VPS13B: variants seen among roughly 807,000 people sequenced by gnomAD.
The protein encoded by VPS13B is vacuolar protein sorting 13 homolog B, also known as intermembrane lipid transfer protein VPS13B.
A neutral mutation model predicts 426.4 loss-of-function variants in VPS13B; 285 were observed. The ratio of observed to expected loss-of-function variants is 0.67; its 90% confidence interval spans 0.61 to 0.74. The LOEUF (loss-of-function observed/expected upper bound fraction) is 0.74. Ranked by LOEUF, VPS13B falls within the 30% of genes least tolerant of loss-of-function variation. VPS13B has a pLI of 0.00. For synonymous variants in VPS13B, 1,676 were observed against 1,676.4 expected, an observed-to-expected ratio of 1.00 and a Z score of 0.01; for missense variants, 4,537 against 4,782.6, an observed-to-expected ratio of 0.95 and a Z score of 1.51.
At chr8:99,529,896 C>T in intron 30 of VPS13B, among the ~76,000 whole-genome samples, 1 of 152,174 alleles carries the variant, frequency 6.6e-6, no homozygotes, top group East Asian at 1.9e-4. Context: ...CTGACCTTAT[C>T]CTATACTTTA....
chr8:99,868,441 G>T lies in VPS13B; in HGVS notation c.11368G>T (p.Glu3790Ter). 6.2e-7 allele frequency: 1 copy of T among 1,613,366 alleles called. No individual in the cohort carries two copies. The highest frequency in any genetic ancestry group is 1.7e-5 in the Admixed American group (1 of 59,914). Reference sequence around the variant, plus strand: ...CACAAAGCCCATCGGAGGAGCTGCTGAGCTGGTGTCACAGACTGGCTATGG... The same window carrying T: ...CACAAAGCCCATCGGAGGAGCTGCTTAGCTGGTGTCACAGACTGGCTATGG... ...VFTKPIGGAA[E>*]LVSQTGYGIL... Residue 3790 changes from glutamate to a stop codon, truncating the protein, a stop_gained, in exon 59 of 62, where the codon GAG becomes TAG. Coordinates refer to ENST00000357162, the MANE Select transcript of VPS13B (RefSeq NM_152564.5). LOFTEE classifies it high-confidence loss of function.
chr8:99,820,292 CTT>C (rs577215192), intron 49 of VPS13B, among the ~76,000 whole-genome samples, 170 bp downstream of exon 49: 2 of 148,022 alleles, frequency 1.4e-5, no homozygotes, highest in Admixed American at 1.4e-4. Flanking sequence ...TTTCTGATGT[CTT>C]TTTTTTTTAA....
At chr8:99,188,243 A>G (rs182399188) in intron 16 of VPS13B, among the ~76,000 whole-genome samples, 2 of 152,102 alleles carry the variant, frequency 1.3e-5, no homozygotes, top group African/African-American at 4.8e-5. Context: ...AGTCATCACC[A>G]CTATCTAATT....
chr8:99,581,292 C>T (rs188863229), intron 33 of VPS13B, among the ~76,000 whole-genome samples: 28 of 151,984 alleles, frequency 1.8e-4, no homozygotes, highest in African/African-American at 6.0e-4. Flanking sequence ...AAGTGAAAAC[C>T]GTAAAGTAAT....
chr8:99,809,004 C>G (rs1588731546), intron 43 of VPS13B, among the ~76,000 whole-genome samples: 1 of 151,910 alleles, frequency 6.6e-6, no homozygotes, highest in South Asian at 2.1e-4. Context: ...TCATTACTGT[C>G]TAGCCATAAG....
At chr8:99,258,265 G>C (rs1355361758) in intron 17 of VPS13B, among the ~76,000 whole-genome samples, 1 of 151,176 alleles carries the variant, frequency 6.6e-6, no homozygotes, top group South Asian at 2.1e-4. Flanking sequence ...TGAGAAGCAG[G>C]CATTTTGTTT....
chr8:99,647,590 A>G (rs891222413), intron 34 of VPS13B, among the ~76,000 whole-genome samples: 40 of 150,024 alleles, frequency 2.7e-4, no homozygotes, highest in African/African-American at 9.5e-4. Flanking sequence ...AAAAAAAAAA[A>G]GGTTTAATAA....
At chr8:99,314,276 G>T (rs948664157) in intron 19 of VPS13B, among the ~76,000 whole-genome samples, 1 of 152,086 alleles carries the variant, frequency 6.6e-6, no homozygotes, top group Non-Finnish European at 1.5e-5. Flanking sequence ...GGGAGCTGTA[G>T]ACTGGAGCTG....
intron 17 of VPS13B, among the ~76,000 whole-genome samples, chr8:99,228,221 T>C (rs1029567719): frequency 6.6e-6 from 1 of 152,238 alleles, no homozygotes; most frequent in Non-Finnish European, 1.5e-5. Context: ...AATGCTTTTC[T>C]TATAGAAACT....
At chr8:99,204,643 G>A (rs990368179) in intron 17 of VPS13B, among the ~76,000 whole-genome samples, 6 of 151,774 alleles carry the variant, frequency 4.0e-5, no homozygotes, top group Non-Finnish European at 5.9e-5. Flanking sequence ...AATCTACAAG[G>A]AACTTAAACA....
intron 7 of VPS13B, 97 bp downstream of exon 7, chr8:99,115,971 C>T (rs1189385491): frequency 2.4e-6 from 3 of 1,271,016 alleles, no homozygotes; most frequent in Admixed American, 2.0e-5. Flanking sequence ...TTGAGTTTTA[C>T]AGTATTCTAA....
At chr8:99,497,699 C>T (rs141913822) in intron 25 of VPS13B, among the ~76,000 whole-genome samples, 1 of 151,984 alleles carries the variant, frequency 6.6e-6, no homozygotes, top group Admixed American at 6.6e-5. Flanking sequence ...TAGCAAAACT[C>T]TTGTCAGTTT....
chr8:99,197,252 G>A (rs1251769617), intron 17 of VPS13B, among the ~76,000 whole-genome samples: 1 of 152,100 alleles, frequency 6.6e-6, no homozygotes, highest in Admixed American at 6.5e-5. Flanking sequence ...TTACATCTAT[G>A]TTCACCAGAG....
At chr8:99,489,042 T>C (rs1820452069) in intron 25 of VPS13B, among the ~76,000 whole-genome samples, 1 of 152,230 alleles carries the variant, frequency 6.6e-6, no homozygotes, top group African/African-American at 2.4e-5. Flanking sequence ...CTTTAATCCA[T>C]CTTGAGTTAC....
At chr8:99,848,938 T>G in intron 55 of VPS13B, 44 bp downstream of exon 55, 1 of 1,546,942 alleles carries the variant, frequency 6.5e-7, no homozygotes, top group Non-Finnish European at 8.9e-7. Context: ...TAAGTGTTAC[T>G]GTTACAAAGT....
intron 59 of VPS13B, among the ~76,000 whole-genome samples, chr8:99,869,369 C>G (rs997948735): frequency 2.0e-5 from 3 of 152,126 alleles, no homozygotes; most frequent in African/African-American, 7.2e-5. Flanking sequence ...CAAGAGGCAG[C>G]CAGATCGGGG....
At chr8:99,140,786 C>T (rs904964826) in intron 12 of VPS13B, among the ~76,000 whole-genome samples, 8 of 152,084 alleles carry the variant, frequency 5.3e-5, no homozygotes, top group Admixed American at 1.3e-4. Context: ...TGCCCAGGAG[C>T]TTCTTACAGA....
intron 19 of VPS13B, among the ~76,000 whole-genome samples, chr8:99,359,048 T>G (rs1023910679): frequency 5.9e-5 from 9 of 152,178 alleles, no homozygotes; most frequent in Non-Finnish European, 1.2e-4. Flanking sequence ...ACTTTTTCTC[T>G]AAATTACATT....
intron 33 of VPS13B, among the ~76,000 whole-genome samples, chr8:99,616,596 G>A (rs1361690607): frequency 1.3e-5 from 2 of 152,254 alleles, no homozygotes; most frequent in Non-Finnish European, 2.9e-5. Context: ...GGGAGGCAGA[G>A]GTGGGCAGAT....
Sources: gnomAD v4.1 joint callset for allele counts (sites outside exome capture counted in the v4.1 genomes callset) on GRCh38, gnomAD v4.1.1 for gene constraint, MANE v1.5 for transcripts, NCBI Gene and HGNC (gene_info 2026-07-23, HGNC 2026-07-21) for gene names.